MICALL2: variants seen among roughly 807,000 people sequenced by gnomAD.
The protein encoded by MICALL2 is MICAL like 2.
MICALL2 carries 111 observed loss-of-function variants against 91.1 expected under a neutral mutation model. The ratio of observed to expected loss-of-function variants is 1.22; its 90% CI spans 1.04 to 1.43. MICALL2 has a LOEUF of 1.43. Among genes scored for constraint, MICALL2 ranks in the 40% most tolerant of loss-of-function variants. The pLI is 0.00. For synonymous variants in MICALL2, 694 were observed against 525.3 expected (o/e 1.32, Z -4.39); for missense variants, 1,556 against 1,236.0 (o/e 1.26, Z -3.88).
Position 1,443,482 on chromosome 7 carries a change from G to A in MICALL2, c.1419-998C>T, listed in dbSNP as rs534070003. 4.6e-5 allele frequency among the ~76,000 whole-genome samples: 7 copies of A among 152,304 alleles called. No homozygotes were observed. The East Asian group carries it at 9.7e-4, about 21-fold the overall frequency. On this transcript the variant is annotated intron_variant, in intron 6 of 16. Transcript: ENST00000297508. ...GCTAAGTGACTGTACTTGGTCGAAT[G>A]GTGACCCCTAAAAGTCATGTCCACT...
intron 2 of MICALL2, among the ~76,000 whole-genome samples, chr7:1,449,125 C>T (rs1390437276): frequency 6.6e-6 from 1 of 152,206 alleles, no homozygotes; most frequent in Non-Finnish European, 1.5e-5. Flanking sequence ...GAGCCCTCCC[C>T]GGGGGCCAGA....
intron 4 of MICALL2, 128 bp from the exon 5 acceptor site, chr7:1,446,956 G>T: frequency 1.5e-6 from 1 of 682,170 alleles, no homozygotes; most frequent in South Asian, 1.9e-5. Flanking sequence ...GCCGCCAGCA[G>T]GGCTGCGGTC....
At chr7:1,436,052 CA>C (rs554033109) in intron 15 of MICALL2, among the ~76,000 whole-genome samples, 61 of 133,070 alleles carry the variant, frequency 4.6e-4, no homozygotes, top group Middle Eastern at 4.5e-3. Flanking sequence ...GACTCTGTCT[CA>C]AAAAAAAAAA....
In MICALL2 at chr7:1,440,650, G is replaced by A. The variant is rs61741872; in HGVS notation, c.1746C>T (p.Asp582=). The A allele has an allele frequency of 0.065, 104,615 of 1,610,688 alleles. 4,713 individuals are homozygous for A. Among genetic ancestry groups the A allele is most frequent in the Admixed American group, 0.22 (13,279 of 59,956 alleles). Residue 582 remains aspartate (D), a synonymous_variant, in exon 8 of 17, where the codon GAC becomes GAT. Coordinates refer to ENST00000297508, the MANE Select transcript of MICALL2 (RefSeq NM_182924.4). ...GATTCGCTCTCCATCCTGCCGGCCC[G>A]TCCTCCTGGCCTTCCTGGAGGCTGG... ...MSTSLQEGQE[D]GPAGWRANLK...
In MICALL2 at chr7:1,435,122, G is replaced by A. The variant is rs769993258; in HGVS notation, c.2617C>T (p.Arg873Trp). Reference protein sequence around the residue: ...LREQEEDQMLRDMIEKLGLQR... With the variant: ...LREQEEDQMLWDMIEKLGLQR... ...TCACCCAGCTTCTCAATCATGTCCC[G>A]CAGCATCTGATCCTCCTCTTGTTCC... is the stretch of plus-strand genomic sequence containing the variant. The change falls in exon 16 of 17, where the codon CGG becomes TGG. Residue 873 changes from arginine to tryptophan, a missense_variant. By Grantham distance (101) the Arg-to-Trp change is moderately radical. Transcript: ENST00000297508. 2.4e-5 allele frequency: 39 copies of A among 1,613,246 alleles called. No homozygotes were observed. Among genetic ancestry groups the A allele is most frequent in the Middle Eastern group, 1.6e-4 (1 of 6,082 alleles).
intron 1 of MICALL2, chr7:1,450,513 A>G: frequency 1.8e-6 from 1 of 546,934 alleles, no homozygotes; most frequent in South Asian, 2.1e-5. Context: ...AGACGGCCCC[A>G]GCTTCACCTC....
At chr7:1,438,021 G>A (rs1368417432) in intron 12 of MICALL2, 41 bp from the exon 13 acceptor site, 2 of 1,553,010 alleles carry the variant, frequency 1.3e-6, no homozygotes, top group African/African-American at 1.4e-5. Context: ...GCCCGCCAGA[G>A]TTCATGGCCC....
Position 1,436,786 on chromosome 7 carries a change from G to A in MICALL2, c.2547C>T (p.Asn849=), listed in dbSNP as rs769763991. ...ELLEQYVSTV[N]DRSDIVDSLD... Reference sequence around the variant, plus strand: ...GCGAGTCCACGATGTCACTGCGGTCGTTCACGGTGCTCACGTACTGCTCCA... The same window carrying A: ...GCGAGTCCACGATGTCACTGCGGTCATTCACGGTGCTCACGTACTGCTCCA... The change falls in exon 15 of 17, where the codon AAC becomes AAT. Residue 849 remains asparagine, a synonymous_variant. Coordinates refer to ENST00000297508, the MANE Select transcript of MICALL2 (RefSeq NM_182924.4). The A allele has an allele frequency of 1.6e-4, 258 of 1,608,786 alleles. No individual in the cohort carries two copies. Among genetic ancestry groups the A allele is most frequent in the Non-Finnish European group, 2.0e-4 (236 of 1,178,630 alleles).
Position 1,434,592 on chromosome 7 carries a change from G to A in MICALL2, c.*4C>T, listed in dbSNP as rs762193024. On this transcript the variant is annotated 3_prime_UTR_variant, in exon 17 of 17. Coordinates refer to ENST00000297508, the MANE Select transcript of MICALL2 (RefSeq NM_182924.4). ...CCGGGCCGAGCCCACGGCCCTACTG[G>A]CTACTACTGGGAGGGGCTGCTTTTG... is the stretch of plus-strand genomic sequence containing the variant. The A allele has an allele frequency of 6.2e-7, 1 of 1,607,952 alleles. No individual in the cohort carries two copies. Among genetic ancestry groups the A allele is most frequent in the South Asian group, 1.1e-5 (1 of 90,412 alleles).
Position 1,438,761 on chromosome 7 carries a change from G to A in MICALL2, c.2122+79C>T, listed in dbSNP as rs1378866284. 15 of 1,521,284 alleles carry A rather than the reference G, an allele frequency of 9.9e-6. No individual in the cohort carries two copies. In the South Asian group the frequency reaches 1.4e-4, roughly 14 times the overall value. 94.2% of individuals were successfully genotyped at this position (1,521,284 alleles called of 1,614,324 possible). A position where few individuals can be genotyped will look rare whatever the true frequency, so the allele number is the denominator to read the frequency against. On this transcript the variant is annotated intron_variant, in intron 10 of 16. Transcript: ENST00000297508. ...AGGTCCTGTGAATGCATCCTCCAAAGCCCCAGCAGGCATTGCCTCCTCAGA... is the reference window on the plus strand; with the variant it reads ...AGGTCCTGTGAATGCATCCTCCAAAACCCCAGCAGGCATTGCCTCCTCAGA...
chr7:1,454,178 G>C (rs1048175391), intron 1 of MICALL2, among the ~76,000 whole-genome samples: 2 of 152,140 alleles, frequency 1.3e-5, no homozygotes, highest in Non-Finnish European at 2.9e-5. Context: ...GGGAGGGCGG[G>C]GGGGTGCAGG....
chr7:1,447,913 C>A (rs1223474814), intron 3 of MICALL2, 148 bp from the exon 4 acceptor site: 1 of 542,016 alleles, frequency 1.8e-6, no homozygotes, highest in Non-Finnish European at 3.1e-6. Context: ...CCTGAGGGCA[C>A]TTTTTCTGGC....
chr7:1,453,474 T>C (rs1477213466), intron 1 of MICALL2, among the ~76,000 whole-genome samples: 3 of 152,026 alleles, frequency 2.0e-5, no homozygotes, highest in East Asian at 3.9e-4. Context: ...GTCCGGGACG[T>C]TGGCCTGCAG....
In MICALL2 at chr7:1,446,785, A is replaced by AC; in HGVS notation, c.568dup (p.Val190GlyfsTer27). 1 of 1,606,936 alleles carries AC rather than the reference A, an allele frequency of 6.2e-7. No homozygotes were observed. The highest frequency in any genetic ancestry group is 1.1e-5 in the South Asian group (1 of 90,278). The stretch of plus-strand genomic sequence containing the variant: ...TACCAGGTGCACGTGCTTGCCGCAG[A>AC]CCCCGCAGGTGCTGCTGACCAAGCT... On this transcript the variant is annotated frameshift_variant, in exon 5 of 17. Transcript: ENST00000297508. LOFTEE classifies it high-confidence loss of function.
intron 15 of MICALL2, among the ~76,000 whole-genome samples, chr7:1,436,426 G>A (rs186132994): frequency 1.3e-5 from 2 of 151,262 alleles, no homozygotes; most frequent in East Asian, 2.0e-4. Context: ...GGTAGTGTGC[G>A]CCTGTAATCC....
intron 13 of MICALL2, 66 bp downstream of exon 13, chr7:1,437,824 G>C: frequency 2.1e-6 from 3 of 1,446,126 alleles, no homozygotes; most frequent in Admixed American, 2.0e-5. Flanking sequence ...CCTGTCCCCC[G>C]CCTGGCCTGC....
chr7:1,457,925 G>A (rs766624481), intron 1 of MICALL2, among the ~76,000 whole-genome samples: 1 of 152,256 alleles, frequency 6.6e-6, no homozygotes, highest in Non-Finnish European at 1.5e-5. Flanking sequence ...CCAGGTCCCT[G>A]GCCCTCTCCT....
In MICALL2 at chr7:1,442,347, G is replaced by C; in HGVS notation, c.1556C>G (p.Pro519Arg). 1 of 1,612,748 alleles carries C rather than the reference G, an allele frequency of 6.2e-7. No homozygotes were observed. The highest frequency in any genetic ancestry group is 8.5e-7 in the Non-Finnish European group (1 of 1,179,582). The change falls in exon 7 of 17, where the codon CCG (proline) becomes CGG (arginine). Residue 519 changes from proline (P) to arginine (R), a missense_variant. Physicochemically the swap from Pro to Arg is moderately radical, Grantham distance 103. Coordinates refer to ENST00000297508, the MANE Select transcript of MICALL2 (RefSeq NM_182924.4). ...CTGAGAGGTACTGCTCGTGCTCAGC[G>C]GGGCTGGCGGTTCCATCCTCGAAGG... ...GLPSRMEPPAPLSTSSTSQAS... is the reference protein window; with the variant it reads ...GLPSRMEPPARLSTSSTSQAS...
At chr7:1,450,153 T>TG in intron 2 of MICALL2, 87 bp downstream of exon 2, 1 of 1,036,504 alleles carries the variant, frequency 9.6e-7, no homozygotes, top group East Asian at 2.4e-5. Context: ...GTGCAGGGCC[T>TG]GGGGGGAGTC....
Sources: gnomAD v4.1 joint callset for allele counts (sites outside exome capture counted in the v4.1 genomes callset) on GRCh38, gnomAD v4.1.1 for gene constraint, MANE v1.5 for transcripts, NCBI Gene and HGNC (gene_info 2026-07-23, HGNC 2026-07-21) for gene names.